Variants in COL4A3 observed in about 807,000 individuals in gnomAD.
COL4A3 encodes collagen type IV alpha 3 chain.
COL4A3 carries 135 observed loss-of-function variants against 217.4 expected under a neutral mutation model. That is an observed-to-expected ratio of 0.62 (90% CI 0.54 to 0.72). The LOEUF (loss-of-function observed/expected upper bound fraction) is 0.72, where lower values mean the gene tolerates loss of function less well. Ranked by LOEUF, COL4A3 falls within the 30% of genes least tolerant of loss-of-function variation. The pLI is 0.00. For synonymous variants in COL4A3, 690 were observed against 736.3 expected (o/e 0.94, Z 1.02); for missense variants, 1,868 against 2,119.9 (o/e 0.88, Z 2.33).
intron 43 of COL4A3, among the ~76,000 whole-genome samples, chr2:227,299,593 C>T (rs1228782780): frequency 2.0e-5 from 3 of 152,116 alleles, no homozygotes; most frequent in African/African-American, 4.8e-5. Flanking sequence ...ATTGACTTAT[C>T]GTTAGTACAA....
At position 227,298,714 on chromosome 2, in the gene COL4A3, C is replaced by T. The variant is rs2106250881; in HGVS notation, c.3784C>T (p.His1262Tyr). The change falls in exon 43 of 52, where the codon CAT (histidine) becomes TAT (tyrosine). Residue 1262 changes from histidine (H) to tyrosine (Y), a missense_variant. By Grantham distance (83) the His-to-Tyr change is moderately conservative. Coordinates refer to ENST00000396578, the MANE Select transcript of COL4A3 (RefSeq NM_000091.5). ...TGGTCCCCCTGGACCTCCAGGGAGT[C>T]ATGTAATAGGCATAAAAGGAGACAA... ...APGPPGPPGS[H>Y]VIGIKGDKGS... 1 of 1,614,048 alleles carries T rather than the reference C, an allele frequency of 6.2e-7. No homozygotes were observed. Among genetic ancestry groups the T allele is most frequent in the Non-Finnish European group, 8.5e-7 (1 of 1,179,978 alleles).
chr2:227,292,622 T>C (rs1403484594), intron 37 of COL4A3, among the ~76,000 whole-genome samples: 2 of 152,240 alleles, frequency 1.3e-5, no homozygotes, highest in African/African-American at 2.4e-5. Context: ...GAAGTGAAGA[T>C]TTAATGAACA....
chr2:227,289,331 T>G, intron 35 of COL4A3, 83 bp downstream of exon 35: 2 of 1,111,468 alleles, frequency 1.8e-6, no homozygotes, highest in Non-Finnish European at 2.7e-6. Flanking sequence ...CTAGGCTTAC[T>G]GGGTTTAAAT....
At chr2:227,295,344 T>G (rs2072984452) in intron 41 of COL4A3, 28 bp downstream of exon 41, 3 of 1,607,836 alleles carry the variant, frequency 1.9e-6, no homozygotes, top group Admixed American at 1.7e-5. Context: ...CCTGTCCTAA[T>G]GTACACATTT....
At position 227,173,767 on chromosome 2, in the gene COL4A3, A is replaced by T. The variant is rs574473826; in HGVS notation, c.87+8954A>T. On this transcript the variant is annotated intron_variant, in intron 1 of 51. Coordinates refer to ENST00000396578, the MANE Select transcript of COL4A3 (RefSeq NM_000091.5). ...CTGTAATATTATCATTTTAATATGT[A>T]ATCACTATTGAAAACATTAATGAGA... 5.3e-5 allele frequency among the ~76,000 whole-genome samples: 8 copies of T among 152,360 alleles called. No individual in the cohort carries two copies. In the South Asian group the frequency reaches 1.7e-3, roughly 32 times the overall value.
intron 43 of COL4A3, among the ~76,000 whole-genome samples, chr2:227,302,741 C>T (rs1210123152): frequency 7.2e-6 from 1 of 138,218 alleles, no homozygotes; most frequent in Admixed American, 7.7e-5. Context: ...CCATTTAGGA[C>T]ACAGAATATC....
At chr2:227,256,602 G>A (rs1189332299) in intron 17 of COL4A3, 2 of 738,260 alleles carry the variant, frequency 2.7e-6, no homozygotes, top group South Asian at 2.8e-5. Flanking sequence ...TATTAAACTT[G>A]TACTGTGTAC....
rs1266284397 is a variant in COL4A3, at chr2:227,253,228, T to C, written c.646-68T>C. The C allele has an allele frequency of 4.7e-5, 62 of 1,313,178 alleles. No individual in the cohort carries two copies. The South Asian group carries it at 5.5e-4, about 12-fold the overall frequency. The allele number at this position is 1,313,178 out of a possible 1,614,324, so 81.3% of individuals were successfully genotyped here. On this transcript the variant is annotated intron_variant, in intron 11 of 51. Coordinates refer to ENST00000396578, the MANE Select transcript of COL4A3 (RefSeq NM_000091.5). The surrounding 1 kb of genome is among the most constrained non-coding windows in gnomAD (Gnocchi z 4.4). ...ATGCTCCCTTACAAATATTGGAACT[T>C]TGATGGGTTTAGACTATTTATTCAT...
In COL4A3 at chr2:227,282,568, T is replaced by G; in HGVS notation, c.2656+36T>G. ...GTGTGTTTCTATTTTTCTTCTTATT[T>G]CTTCTTCTTCTTAAGGTGGCTCTGT... is the stretch of plus-strand genomic sequence containing the variant. On this transcript the variant is annotated intron_variant, in intron 32 of 51. Coordinates refer to ENST00000396578, the MANE Select transcript of COL4A3 (RefSeq NM_000091.5). The surrounding 1 kb of genome is among the most constrained non-coding windows in gnomAD (Gnocchi z 4.4). The G allele has an allele frequency of 6.3e-7, 1 of 1,577,610 alleles. No individual in the cohort carries two copies. The highest frequency in any genetic ancestry group is 8.7e-7 in the Non-Finnish European group (1 of 1,150,364).
chr2:227,198,174 A>G (rs931558444), intron 1 of COL4A3, among the ~76,000 whole-genome samples: 8 of 152,298 alleles, frequency 5.3e-5, no homozygotes, highest in African/African-American at 1.4e-4. Context: ...TCAGCTATCT[A>G]TGTGGGTCAT....
At chr2:227,245,083 GT>G in intron 5 of COL4A3, 88 bp downstream of exon 5, 2 of 1,259,260 alleles carry the variant, frequency 1.6e-6, no homozygotes, top group East Asian at 4.6e-5. Context: ...AAGAAAATGT[GT>G]TCTGATGCAT....
At chr2:227,195,134 G>A (rs1035510648) in intron 1 of COL4A3, among the ~76,000 whole-genome samples, 5 of 152,066 alleles carry the variant, frequency 3.3e-5, no homozygotes, top group Non-Finnish European at 7.4e-5. Context: ...ACAGTTCGGT[G>A]CATAGAGAAA....
intron 3 of COL4A3, among the ~76,000 whole-genome samples, chr2:227,240,859 A>G (rs145114684): frequency 3.3e-5 from 5 of 152,330 alleles, no homozygotes; most frequent in African/African-American, 1.2e-4. Flanking sequence ...CTCTCCTCTG[A>G]AAACACTCCA....
intron 6 of COL4A3, 62 bp downstream of exon 6, chr2:227,246,078 G>A (rs2069321222): frequency 2.2e-6 from 3 of 1,339,856 alleles, no homozygotes; most frequent in South Asian, 1.2e-5. Context: ...AAATCAAGGT[G>A]AAATGGCAAT....
chr2:227,267,007 C>G lies in COL4A3; in HGVS notation c.1423C>G (p.Leu475Val), dbSNP rs886055738. 7 of 1,613,758 alleles carry G rather than the reference C, an allele frequency of 4.3e-6. No homozygotes were observed. The Middle Eastern group carries it at 9.9e-4, about 228-fold the overall frequency. ...VDGPKGEPGLLCTQCPYIPGP... is the reference protein window; with the variant it reads ...VDGPKGEPGLVCTQCPYIPGP... Reference sequence around the variant, plus strand: ...TCTCATTGCAGGAGAACCAGGCCTCCTGTGTACACAGTGCCCTTATATCCC... The same window carrying G: ...TCTCATTGCAGGAGAACCAGGCCTCGTGTGTACACAGTGCCCTTATATCCC... The change falls in exon 23 of 52, where the codon CTG becomes GTG. Residue 475 changes from leucine to valine, a missense_variant. Transcript: ENST00000396578.
At chr2:227,172,445 C>T (rs1162864520) in intron 1 of COL4A3, among the ~76,000 whole-genome samples, 3 of 152,006 alleles carry the variant, frequency 2.0e-5, no homozygotes, top group East Asian at 1.9e-4. Flanking sequence ...GGTAGTTCGG[C>T]GGGGGTGGTT....
intron 1 of COL4A3, among the ~76,000 whole-genome samples, chr2:227,236,136 C>T (rs2068685096): frequency 6.6e-6 from 1 of 152,128 alleles, no homozygotes; most frequent in Non-Finnish European, 1.5e-5. Flanking sequence ...TGTCTTTATC[C>T]ACTCATTGAT....
chr2:227,313,514 TG>T lies in COL4A3; in HGVS notation c.*1645del, dbSNP rs886055747. The T allele has an allele frequency of 1.3e-5, 2 of 152,660 alleles. No homozygotes were observed. The highest frequency in any genetic ancestry group is 3.8e-4 in the East Asian group (2 of 5,196). The allele number at this position is 152,660 out of a possible 1,614,324, so 9.5% of individuals were successfully genotyped here. A position where few individuals can be genotyped will look rare whatever the true frequency, so the allele number is the denominator to read the frequency against. The stretch of plus-strand genomic sequence containing the variant: ...ACACAAAGAGACAAAGCTTTGAAGA[TG>T]CTTTTTGATCTACCTAGGTGGAGTT... On this transcript the variant is annotated 3_prime_UTR_variant, in exon 52 of 52. Coordinates refer to ENST00000396578, the MANE Select transcript of COL4A3 (RefSeq NM_000091.5).
chr2:227,220,097 A>G (rs10171546), intron 1 of COL4A3, among the ~76,000 whole-genome samples: 11,448 of 150,162 alleles, frequency 0.076, 659 homozygotes, highest in Admixed American at 0.13. Context: ...TGATTCTTCC[A>G]TTAATGGACC....
Sources: allele counts gnomAD v4.1 joint callset (sites outside exome capture counted in the v4.1 genomes callset), GRCh38; gene constraint gnomAD v4.1.1; non-coding constraint Gnocchi (gnomAD v3.1); transcripts MANE v1.5; gene names NCBI Gene and HGNC (gene_info 2026-07-23, HGNC 2026-07-21).